The following FMNL2 variants were observed in gnomAD, a reference collection of about 807,000 sequenced individuals.
FMNL2 encodes the protein formin like 2.
A neutral mutation model predicts 130.2 loss-of-function variants in FMNL2; 51 were observed. The ratio of observed to expected loss-of-function variants is 0.39; its 90% confidence interval spans 0.31 to 0.49. The LOEUF (loss-of-function observed/expected upper bound fraction) is 0.49. FMNL2 is among the 20% of genes least tolerant of loss of function. The probability of loss-of-function intolerance (pLI) is 0.85; values close to 1 mark genes in which losing one functional copy is unlikely to be tolerated. For synonymous variants in FMNL2, 465 were observed against 467.1 expected, an observed-to-expected ratio of 1.00 and a Z score of 0.06; for missense variants, 977 against 1,316.2, an observed-to-expected ratio of 0.74 and a Z score of 3.99.
At chr2:152,556,558 A>C (rs898139586) in intron 4 of FMNL2, among the ~76,000 whole-genome samples, 1 of 152,336 alleles carries the variant, frequency 6.6e-6, no homozygotes, top group South Asian at 2.1e-4. Flanking sequence ...AAACGTATGC[A>C]TATTAGCATG....
chr2:152,502,065 T>C (rs1040595142), intron 1 of FMNL2, among the ~76,000 whole-genome samples: 1 of 152,220 alleles, frequency 6.6e-6, no homozygotes, highest in Non-Finnish European at 1.5e-5. Context: ...TAACCCCTTG[T>C]TCTTCGTGCG....
chr2:152,607,496 C>T, intron 10 of FMNL2, 83 bp downstream of exon 10: 1 of 897,604 alleles, frequency 1.1e-6, no homozygotes, highest in Non-Finnish European at 1.8e-6. Flanking sequence ...CACACACACA[C>T]ACACACACAC....
chr2:152,378,430 C>T (rs78830520), intron 1 of FMNL2, among the ~76,000 whole-genome samples: 108 of 152,274 alleles, frequency 7.1e-4, no homozygotes, highest in Non-Finnish European at 9.1e-4. Context: ...CCAATGTAGA[C>T]TTAAATTAAA....
chr2:152,588,606 G>A (rs1360761961), intron 9 of FMNL2, among the ~76,000 whole-genome samples: 2 of 152,132 alleles, frequency 1.3e-5, no homozygotes, highest in African/African-American at 4.8e-5. Context: ...CATTCAGCCT[G>A]TCACACCAGA....
At chr2:152,355,558 G>A (rs1430963719) in intron 1 of FMNL2, among the ~76,000 whole-genome samples, 1 of 152,132 alleles carries the variant, frequency 6.6e-6, no homozygotes, top group Non-Finnish European at 1.5e-5. Flanking sequence ...GTCCTTCTGG[G>A]AAGAAACTCC....
chr2:152,352,322 T>C (rs1682542537), intron 1 of FMNL2, among the ~76,000 whole-genome samples: 1 of 152,106 alleles, frequency 6.6e-6, no homozygotes, highest in African/African-American at 2.4e-5. Context: ...ACCTGAAAGG[T>C]AGGTATATCC....
intron 1 of FMNL2, among the ~76,000 whole-genome samples, chr2:152,510,258 T>C (rs1692421727): frequency 1.3e-5 from 2 of 152,248 alleles, no homozygotes; most frequent in Admixed American, 6.5e-5. Flanking sequence ...CTTGTTTGGC[T>C]GAGCAGAATT....
chr2:152,543,729 C>CAAAAAAAAAA (rs71394490), intron 3 of FMNL2, among the ~76,000 whole-genome samples: 3 of 61,394 alleles, frequency 4.9e-5, no homozygotes, highest in Non-Finnish European at 8.3e-5. Flanking sequence ...ACCCCCCGAC[C>CAAAAAAAAAA]AAAAAAAAAA....
chr2:152,515,810 A>G (rs537091394), intron 1 of FMNL2, among the ~76,000 whole-genome samples: 27 of 152,314 alleles, frequency 1.8e-4, no homozygotes, highest in African/African-American at 5.8e-4. Flanking sequence ...TGCCTGAGAC[A>G]TACCAGTCCG....
chr2:152,575,327 T>G lies in FMNL2; in HGVS notation c.705+83T>G, dbSNP rs568510802. The G allele has an allele frequency of 2.5e-5, 20 of 810,706 alleles. No individual in the cohort carries two copies. The African/African-American group carries it at 3.1e-4, about 13-fold the overall frequency. The allele number at this position is 810,706 out of a possible 1,614,324, so 50.2% of individuals were successfully genotyped here. On this transcript the variant is annotated intron_variant, in intron 7 of 25. Coordinates refer to ENST00000288670, the MANE Select transcript of FMNL2 (RefSeq NM_052905.4). ...GACTGCTGGGTGCAGTGTACACCGC[T>G]TGGGCGAAGGGTACAATAAAAGCCC...
intron 1 of FMNL2, among the ~76,000 whole-genome samples, chr2:152,502,330 T>G (rs1691889528): frequency 6.6e-6 from 1 of 152,234 alleles, no homozygotes; most frequent in Admixed American, 6.5e-5. Context: ...GTTATAACAT[T>G]TATTTTTCAC....
rs1309619427 is a variant in FMNL2, at chr2:152,532,733, G to A, written c.202-10006G>A. On this transcript the variant is annotated intron_variant, in intron 2 of 25. Transcript: ENST00000288670. ...AGCGATTCTCCTGCCTCAGTCTCCC[G>A]AGTAGCTGGGATTACAGGCATGCAC... 2.0e-5 allele frequency among the ~76,000 whole-genome samples: 3 copies of A among 151,082 alleles called. No individual in the cohort carries two copies. In the East Asian group the frequency reaches 5.9e-4, roughly 30 times the overall value.
chr2:152,634,508 G>C (rs1360773368), intron 21 of FMNL2, among the ~76,000 whole-genome samples: 1 of 152,166 alleles, frequency 6.6e-6, no homozygotes, highest in Non-Finnish European at 1.5e-5. Context: ...TTGCCAATGA[G>C]AAATAAGTTT....
intron 9 of FMNL2, among the ~76,000 whole-genome samples, chr2:152,606,805 G>T (rs1188229798): frequency 6.6e-6 from 1 of 151,792 alleles, no homozygotes; most frequent in Non-Finnish European, 1.5e-5. Context: ...AATTACTGCA[G>T]ATTTCTATAC....
chr2:152,605,069 C>A (rs1559001316), intron 9 of FMNL2, among the ~76,000 whole-genome samples: 1 of 151,940 alleles, frequency 6.6e-6, no homozygotes. Context: ...TGCCTCACCC[C>A]CTTCAACAAA....
chr2:152,516,505 C>T (rs1692778036), intron 1 of FMNL2, among the ~76,000 whole-genome samples: 1 of 152,082 alleles, frequency 6.6e-6, no homozygotes, highest in Non-Finnish European at 1.5e-5. Context: ...TAGAAGAGTT[C>T]CTGTTATAAA....
rs1192239566 is a variant in FMNL2, at chr2:152,626,656, G to A, written c.2094G>A (p.Arg698=). The A allele has an allele frequency of 6.2e-7, 1 of 1,612,870 alleles. No individual in the cohort carries two copies. Among genetic ancestry groups the A allele is most frequent in the African/African-American group, 1.3e-5 (1 of 74,860 alleles). Residue 698 remains arginine (R), a synonymous_variant, in exon 17 of 26, where the codon AGG becomes AGA. Coordinates refer to ENST00000288670, the MANE Select transcript of FMNL2 (RefSeq NM_052905.4). ...AAGTGACATTACTAGAAGCAAACAG[G>A]GCCAAAAATCTTGCCATAACTTTAA... The part of the protein sequence containing the change: ...SNKVTLLEAN[R]AKNLAITLRK...
chr2:152,597,284 A>T (rs144034948), intron 9 of FMNL2, among the ~76,000 whole-genome samples: 1 of 152,264 alleles, frequency 6.6e-6, no homozygotes, highest in Admixed American at 6.5e-5. Context: ...TGCCAAGTGC[A>T]TAAGTCTGAA....
intron 9 of FMNL2, among the ~76,000 whole-genome samples, chr2:152,594,478 G>A (rs1432501708): frequency 6.6e-6 from 1 of 152,166 alleles, no homozygotes; most frequent in Non-Finnish European, 1.5e-5. Context: ...ATGACTACTT[G>A]GAAGGTGGCT....
Sources: allele counts gnomAD v4.1 joint callset (sites outside exome capture counted in the v4.1 genomes callset), GRCh38; gene constraint gnomAD v4.1.1; transcripts MANE v1.5; gene names NCBI Gene and HGNC (gene_info 2026-07-23, HGNC 2026-07-21).